The following NKAIN2 variants were observed in gnomAD, a reference collection of about 807,000 sequenced individuals.
The protein encoded by NKAIN2 is sodium/potassium-transporting ATPase subunit beta-1-interacting protein 2.
Under a neutral mutation model 32.6 loss-of-function variants are expected in NKAIN2, and 14 were observed. That is an observed-to-expected ratio of 0.43 (90% CI 0.28 to 0.67). NKAIN2 has a LOEUF of 0.67. NKAIN2 is among the 30% of genes least tolerant of loss of function. The pLI, the probability that NKAIN2 is intolerant of heterozygous loss-of-function variation, is 0.17. For missense variants in NKAIN2, 198 were observed against 258.3 expected (o/e 0.77, Z 1.60); for synonymous variants, 80 against 87.2 (o/e 0.92, Z 0.46).
chr6:123,887,691 CTAA>C (rs1489152730), intron 1 of NKAIN2, among the ~76,000 whole-genome samples: 2 of 151,952 alleles, frequency 1.3e-5, no homozygotes, highest in African/African-American at 2.4e-5. Context: ...TTCCATTTTC[CTAA>C]TGAGACATCA....
chr6:124,730,777 T>C (rs1390354901), intron 4 of NKAIN2, among the ~76,000 whole-genome samples: 27 of 151,958 alleles, frequency 1.8e-4, no homozygotes, highest in Admixed American at 1.6e-3. Context: ...ACAGGCAACC[T>C]ACACAATGGG....
At chr6:124,284,706 A>T (rs73565678) in intron 2 of NKAIN2, among the ~76,000 whole-genome samples, 20,707 of 151,940 alleles carry the variant, frequency 0.14, 1,570 homozygotes, top group East Asian at 0.26. Flanking sequence ...TTCTATGAAA[A>T]GTCCCTAGCA....
chr6:124,323,008 G>T (rs1330523064), intron 2 of NKAIN2, among the ~76,000 whole-genome samples: 1 of 152,076 alleles, frequency 6.6e-6, no homozygotes, highest in African/African-American at 2.4e-5. Flanking sequence ...GCCTTAATTT[G>T]CATTTCCCTA....
chr6:124,165,299 C>G (rs1030730043), intron 1 of NKAIN2, among the ~76,000 whole-genome samples: 1 of 152,120 alleles, frequency 6.6e-6, no homozygotes, highest in African/African-American at 2.4e-5. Context: ...AAATTGGAAT[C>G]ACTAATTATG....
intron 1 of NKAIN2, among the ~76,000 whole-genome samples, chr6:123,866,000 C>T (rs991583774): frequency 9.2e-5 from 14 of 152,232 alleles, no homozygotes; most frequent in African/African-American, 2.4e-4. Flanking sequence ...ATAGAAAATG[C>T]GTCACTTCCA....
At chr6:124,380,304 G>T (rs1405526179) in intron 3 of NKAIN2, among the ~76,000 whole-genome samples, 1 of 152,154 alleles carries the variant, frequency 6.6e-6, no homozygotes, top group Non-Finnish European at 1.5e-5. Context: ...GCAATTCAGT[G>T]TATATACAGC....
chr6:123,995,463 G>A (rs1779580042), intron 1 of NKAIN2, among the ~76,000 whole-genome samples: 1 of 152,126 alleles, frequency 6.6e-6, no homozygotes, highest in Non-Finnish European at 1.5e-5. Context: ...GTAGAATAAT[G>A]TATATAAGGC....
At chr6:124,806,687 G>A (rs1013032615) in intron 5 of NKAIN2, among the ~76,000 whole-genome samples, 1 of 152,116 alleles carries the variant, frequency 6.6e-6, no homozygotes, top group African/African-American at 2.4e-5. Flanking sequence ...AAAAGACACA[G>A]ACTGGCAAAT....
At chr6:124,106,544 C>T (rs990417605) in intron 1 of NKAIN2, among the ~76,000 whole-genome samples, 1 of 152,114 alleles carries the variant, frequency 6.6e-6, no homozygotes, top group Non-Finnish European at 1.5e-5. Context: ...TAAAAACTTA[C>T]AGAGCTGATT....
At chr6:124,812,683 C>T (rs996011965) in intron 5 of NKAIN2, among the ~76,000 whole-genome samples, 2 of 152,156 alleles carry the variant, frequency 1.3e-5, no homozygotes, top group Non-Finnish European at 2.9e-5. Flanking sequence ...CTACTTATAA[C>T]TTAAATACTA....
chr6:124,171,643 C>A (rs1474356813), intron 1 of NKAIN2, among the ~76,000 whole-genome samples: 1 of 148,462 alleles, frequency 6.7e-6, no homozygotes, highest in Non-Finnish European at 1.5e-5. Flanking sequence ...CGTCTGCCTC[C>A]CGGTTCAAGC....
At chr6:123,870,719 C>T (rs113371509) in intron 1 of NKAIN2, among the ~76,000 whole-genome samples, 47 of 151,968 alleles carry the variant, frequency 3.1e-4, no homozygotes, top group Non-Finnish European at 5.1e-4. Flanking sequence ...CATTAGTGCC[C>T]GGTACGATTC....
intron 1 of NKAIN2, among the ~76,000 whole-genome samples, chr6:124,123,644 GGAT>G (rs1349219147): frequency 6.6e-6 from 1 of 152,022 alleles, no homozygotes; most frequent in Non-Finnish European, 1.5e-5. Flanking sequence ...TTTTGAGATT[GGAT>G]GATGACATAA....
chr6:124,019,885 A>G (rs1237593859), intron 1 of NKAIN2, among the ~76,000 whole-genome samples: 1 of 152,192 alleles, frequency 6.6e-6, no homozygotes, highest in Non-Finnish European at 1.5e-5. Flanking sequence ...AAGACATATT[A>G]TATCTTGAAA....
intron 1 of NKAIN2, among the ~76,000 whole-genome samples, chr6:123,938,412 A>C (rs1231071669): frequency 7.8e-5 from 1 of 12,838 alleles, no homozygotes; most frequent in African/African-American, 2.7e-4. Flanking sequence ...ATATATATAT[A>C]TATATATATA....
chr6:124,192,889 A>G lies in NKAIN2; in HGVS notation c.55-90116A>G, dbSNP rs1282310750. ...CTCAGCCTCCCGAGTAGCTGGGACT[A>G]CAGGCGCCCGCCACCGCGCGCAGCT... On this transcript the variant is annotated intron_variant, in intron 1 of 6. Coordinates refer to ENST00000368417, the MANE Select transcript of NKAIN2 (RefSeq NM_001040214.3). Among the ~76,000 whole-genome samples the G allele has an allele frequency of 2.0e-5, 3 of 151,626 alleles. No homozygotes were observed. In the East Asian group the frequency reaches 5.8e-4, roughly 30 times the overall value.
intron 3 of NKAIN2, among the ~76,000 whole-genome samples, chr6:124,596,139 A>G (rs751026542): frequency 1.5e-4 from 23 of 152,194 alleles, no homozygotes; most frequent in Non-Finnish European, 2.9e-4. Context: ...CTTGGTCTTC[A>G]TGTTGATATT....
intron 1 of NKAIN2, among the ~76,000 whole-genome samples, chr6:124,145,290 T>C (rs535446253): frequency 2.6e-5 from 4 of 152,268 alleles, no homozygotes; most frequent in South Asian, 4.1e-4. Context: ...TTCCACAACA[T>C]TTATTTCCAG....
chr6:123,902,669 A>G (rs1312201233), intron 1 of NKAIN2, among the ~76,000 whole-genome samples: 1 of 152,198 alleles, frequency 6.6e-6, no homozygotes, highest in East Asian at 1.9e-4. Flanking sequence ...TTTGGGCATA[A>G]TACATTCCAA....
Sources: gnomAD v4.1 joint callset for allele counts (sites outside exome capture counted in the v4.1 genomes callset) on GRCh38, gnomAD v4.1.1 for gene constraint, MANE v1.5 for transcripts, NCBI Gene and HGNC (gene_info 2026-07-23, HGNC 2026-07-21) for gene names.